TMEM47: variants seen among roughly 807,000 people sequenced by gnomAD.
TMEM47 encodes transmembrane protein 47.
TMEM47 carries 3 observed loss-of-function variants against 12.4 expected under a neutral mutation model. The observed-to-expected ratio is 0.24, with a 90% CI of 0.11 to 0.63. TMEM47 has a LOEUF of 0.63. TMEM47 is among the 20% of genes least tolerant of loss of function. TMEM47 has a pLI of 0.86. For missense variants in TMEM47, 89 were observed against 143.8 expected (o/e 0.62, Z 1.95); for synonymous variants, 62 against 63.3 (o/e 0.98, Z 0.10).
At position 34,630,243 on chromosome X, in the gene TMEM47, G is replaced by A; in HGVS notation, c.*70C>T. 1 of 1,010,902 alleles carries A rather than the reference G, an allele frequency of 9.9e-7. No individual in the cohort carries two copies. Among genetic ancestry groups the A allele is most frequent in the Non-Finnish European group, 1.3e-6 (1 of 755,883 alleles). 83.3% of individuals were successfully genotyped at this position (1,010,902 alleles called of 1,213,427 possible). The stretch of plus-strand genomic sequence containing the variant: ...CCACAAGTGTTTTAGAAAATAGTAA[G>A]TTAGAAAAGATGCAGACGTAATCCT... On this transcript the variant is annotated 3_prime_UTR_variant, in exon 3 of 3. Coordinates refer to ENST00000275954, the MANE Select transcript of TMEM47 (RefSeq NM_031442.4).
At chrX:34,655,750 G>A (rs1374391592) in intron 1 of TMEM47, among the ~76,000 whole-genome samples, 1 of 105,655 alleles carries the variant, frequency 9.5e-6, no homozygotes, top group Non-Finnish European at 1.9e-5. Flanking sequence ...CTATGTGTGT[G>A]TGTGTGAGTC....
chrX:34,644,179 T>TA (rs1921868748), intron 1 of TMEM47, among the ~76,000 whole-genome samples: 1 of 112,071 alleles, frequency 8.9e-6, no homozygotes, highest in Non-Finnish European at 1.9e-5. Context: ...GCAGTCCCTA[T>TA]ACTACACCAT....
At position 34,657,018 on chromosome X, in the gene TMEM47, C is replaced by A; in HGVS notation, c.12G>T (p.Ala4=). The stretch of plus-strand genomic sequence containing the variant: ...CGCGCACCTCCTCCATGCCGCTGCC[C>A]GCCGAAGCCATTCCTGGGCGCCGCT... MAS[A]GSGMEEVRVS... Residue 4 remains alanine (A), a synonymous_variant, in exon 1 of 3, where the codon GCG becomes GCT. Transcript: ENST00000275954. 8.7e-7 allele frequency: 1 copy of A among 1,149,856 alleles called. No homozygotes were observed. The highest frequency in any genetic ancestry group is 1.2e-6 in the Non-Finnish European group (1 of 862,827). The allele number at this position is 1,149,856 out of a possible 1,213,427, so 94.8% of individuals were successfully genotyped here. A position where few individuals can be genotyped will look rare whatever the true frequency, so the allele number is the denominator to read the frequency against.
chrX:34,654,807 AT>A (rs1188506311), intron 1 of TMEM47, among the ~76,000 whole-genome samples: 1 of 111,883 alleles, frequency 8.9e-6, no homozygotes, highest in Non-Finnish European at 1.9e-5. Context: ...GCTGAAAACT[AT>A]TTTTTTAAGG....
intron 2 of TMEM47, among the ~76,000 whole-genome samples, chrX:34,634,790 C>T (rs780379032): frequency 9.0e-6 from 1 of 111,607 alleles, no homozygotes; most frequent in East Asian, 2.8e-4. Flanking sequence ...TCTAGGAAGA[C>T]AAAGCATATT....
intron 1 of TMEM47, among the ~76,000 whole-genome samples, chrX:34,640,896 G>A (rs1225700665): frequency 1.8e-5 from 2 of 111,243 alleles, no homozygotes; most frequent in Non-Finnish European, 3.8e-5. Flanking sequence ...AACAAACAAG[G>A]GGAAATTGAA....
At chrX:34,650,900 G>A (rs918475467) in intron 1 of TMEM47, among the ~76,000 whole-genome samples, 4 of 111,836 alleles carry the variant, frequency 3.6e-5, no homozygotes, top group Non-Finnish European at 7.5e-5. Flanking sequence ...CTGGCTGAGG[G>A]AAGGTTTTGT....
At chrX:34,630,642 T>A (rs1012243241) in intron 2 of TMEM47, 151 bp from the exon 3 acceptor site, 7 of 398,693 alleles carry the variant, frequency 1.8e-5, no homozygotes, top group Non-Finnish European at 2.5e-5. Context: ...GATGGTATAC[T>A]TTAAAATACT....
At position 34,629,327 on chromosome X, in the gene TMEM47, T is replaced by C. The variant is rs1921570197; in HGVS notation, c.*986A>G. 9.0e-6 allele frequency: 1 copy of C among 111,447 alleles called. No individual in the cohort carries two copies. The highest frequency in any genetic ancestry group is 1.9e-5 in the Non-Finnish European group (1 of 53,106). The allele number at this position is 111,447 out of a possible 1,213,427, so 9.2% of individuals were successfully genotyped here. A position where few individuals can be genotyped will look rare whatever the true frequency, so the allele number is the denominator to read the frequency against. On this transcript the variant is annotated 3_prime_UTR_variant, in exon 3 of 3. Transcript: ENST00000275954. ...ATAGAGCAAAAGCTTTAAGGTACCA[T>C]ACTTTTGTATGGTAAATAAGTATGA...
At chrX:34,651,500 C>A (rs1339092688) in intron 1 of TMEM47, among the ~76,000 whole-genome samples, 1 of 112,120 alleles carries the variant, frequency 8.9e-6, no homozygotes, top group Non-Finnish European at 1.9e-5. Context: ...GGGCTCCAGA[C>A]ATCCATCCTC....
In TMEM47 at chrX:34,628,115, G is replaced by C. The variant is rs183025143; in HGVS notation, c.*2198C>G. 8.9e-6 allele frequency: 1 copy of C among 111,914 alleles called. No homozygotes were observed. The highest frequency in any genetic ancestry group is 2.8e-4 in the East Asian group (1 of 3,546). 9.2% of individuals were successfully genotyped at this position (111,914 alleles called of 1,213,427 possible). ...GAGATGTGATGATATTGGTTTAACA[G>C]TACACTGCATCCTCTACTAGGACCA... On this transcript the variant is annotated 3_prime_UTR_variant, in exon 3 of 3. Transcript: ENST00000275954.
At chrX:34,648,704 T>C (rs111403104) in intron 1 of TMEM47, among the ~76,000 whole-genome samples, 5,076 of 111,566 alleles carry the variant, frequency 0.045, 247 homozygotes, top group African/African-American at 0.15. Flanking sequence ...AAAAATTGGA[T>C]AAATTAAAGT....
At chrX:34,650,983 G>C (rs1056919161) in intron 1 of TMEM47, among the ~76,000 whole-genome samples, 1 of 88,893 alleles carries the variant, frequency 1.1e-5, no homozygotes, top group African/African-American at 5.0e-5. Context: ...AGACAAACTG[G>C]TTGGCCGTTT....
intron 1 of TMEM47, among the ~76,000 whole-genome samples, chrX:34,646,051 G>A (rs182684131): frequency 1.8e-4 from 20 of 111,200 alleles, no homozygotes; most frequent in African/African-American, 6.2e-4. Context: ...CATCCAAACA[G>A]ATGATACAAT....
chrX:34,646,290 G>A (rs1332582041), intron 1 of TMEM47, among the ~76,000 whole-genome samples: 1 of 111,885 alleles, frequency 8.9e-6, no homozygotes, highest in Non-Finnish European at 1.9e-5. Context: ...CAGTGGAAAT[G>A]TAATTAATAA....
In TMEM47 at chrX:34,628,408, T is replaced by C. The variant is rs1921547678; in HGVS notation, c.*1905A>G. On this transcript the variant is annotated 3_prime_UTR_variant, in exon 3 of 3. Coordinates refer to ENST00000275954, the MANE Select transcript of TMEM47 (RefSeq NM_031442.4). ...TCTAATGATTCTTTATAGAATCATA[T>C]ATTTTTATAAAGGTTTCTGTCTGTG... 1 of 112,329 alleles carries C rather than the reference T, an allele frequency of 8.9e-6. No homozygotes were observed. Among genetic ancestry groups the C allele is most frequent in the East Asian group, 2.8e-4 (1 of 3,567 alleles). 9.3% of individuals were successfully genotyped at this position (112,329 alleles called of 1,213,427 possible).
intron 2 of TMEM47, among the ~76,000 whole-genome samples, chrX:34,638,190 C>G (rs1921750055): frequency 9.0e-6 from 1 of 111,069 alleles, no homozygotes; most frequent in Admixed American, 9.6e-5. Context: ...CAGAAGCCTC[C>G]CAGGCCCAGG....
intron 1 of TMEM47, among the ~76,000 whole-genome samples, chrX:34,641,211 T>A (rs1480102041): frequency 9.0e-6 from 1 of 110,935 alleles, no homozygotes; most frequent in African/African-American, 3.3e-5. Context: ...TAAAAACAGG[T>A]GTGTAAATTG....
At chrX:34,653,136 A>C (rs1383146495) in intron 1 of TMEM47, among the ~76,000 whole-genome samples, 1 of 111,970 alleles carries the variant, frequency 8.9e-6, no homozygotes, top group African/African-American at 3.2e-5. Flanking sequence ...AATTCCTTTT[A>C]AAGTAGCTTT....
Sources: allele counts gnomAD v4.1 joint callset (sites outside exome capture counted in the v4.1 genomes callset), GRCh38; gene constraint gnomAD v4.1.1; transcripts MANE v1.5; gene names NCBI Gene and HGNC (gene_info 2026-07-23, HGNC 2026-07-21).